TAF3: variants seen among roughly 807,000 people sequenced by gnomAD.
TAF3 encodes the protein TATA-box binding protein associated factor 3.
TAF3 carries 7 observed loss-of-function variants against 80.6 expected under a neutral mutation model. That is an observed-to-expected ratio of 0.09 (90% CI 0.05 to 0.16). The LOEUF (loss-of-function observed/expected upper bound fraction) is 0.16, where lower values mean the gene tolerates loss of function less well. TAF3 is among the 10% of genes least tolerant of loss of function. The probability of loss-of-function intolerance (pLI) is 1.00; values close to 1 mark genes in which losing one functional copy is unlikely to be tolerated. For synonymous variants in TAF3, 444 were observed against 446.1 expected, an observed-to-expected ratio of 1.00 and a Z score of 0.06; for missense variants, 921 against 1,140.2, an observed-to-expected ratio of 0.81 and a Z score of 2.77.
rs546506197 is a variant in TAF3, at chr10:7,946,515, G to T, written c.410-17405G>T. 2.6e-5 allele frequency among the ~76,000 whole-genome samples: 4 copies of T among 152,330 alleles called. No homozygotes were observed. In the South Asian group the frequency reaches 8.3e-4, roughly 32 times the overall value. On this transcript the variant is annotated intron_variant, in intron 2 of 6. Transcript: ENST00000344293. ...GAGGCAGGCAGATTATTTGAGCTCAGAAGTTTGAGACCAGCCTGGGCGACG... is the reference window on the plus strand; with the variant it reads ...GAGGCAGGCAGATTATTTGAGCTCATAAGTTTGAGACCAGCCTGGGCGACG...
intron 4 of TAF3, among the ~76,000 whole-genome samples, chr10:7,997,371 T>A (rs1831899773): frequency 6.6e-6 from 1 of 152,262 alleles, no homozygotes; most frequent in African/African-American, 2.4e-5. Context: ...ACACAATAGC[T>A]GAATAATGAG....
chr10:8,008,995 AT>A, intron 4 of TAF3, 82 bp from the exon 5 acceptor site: 2 of 1,498,850 alleles, frequency 1.3e-6, no homozygotes, highest in Non-Finnish European at 1.8e-6. Context: ...AAGAAAAGCT[AT>A]TTTACGATCA....
At chr10:7,917,131 T>G (rs1423734254) in intron 2 of TAF3, among the ~76,000 whole-genome samples, 15 of 152,234 alleles carry the variant, frequency 9.9e-5, no homozygotes, top group Admixed American at 8.5e-4. Flanking sequence ...AGGTTGCTTA[T>G]GTAGTGCCAC....
At chr10:7,878,372 A>G (rs1336194313) in intron 2 of TAF3, among the ~76,000 whole-genome samples, 1 of 152,156 alleles carries the variant, frequency 6.6e-6, no homozygotes, top group Non-Finnish European at 1.5e-5. Context: ...GAATTGAGTG[A>G]AAGAATCCAG....
chr10:7,838,545 CTAATTTTTG>C (rs1266579237), intron 2 of TAF3, among the ~76,000 whole-genome samples: 2 of 152,080 alleles, frequency 1.3e-5, no homozygotes, highest in Non-Finnish European at 2.9e-5. Context: ...CCACGCCTGG[CTAATTTTTG>C]TAATTTTTGT....
At chr10:7,903,048 C>A (rs1837574194) in intron 2 of TAF3, among the ~76,000 whole-genome samples, 1 of 151,990 alleles carries the variant, frequency 6.6e-6, no homozygotes, top group Non-Finnish European at 1.5e-5. Context: ...TAGTAGGACC[C>A]CATCTCTTAA....
At chr10:7,915,367 G>A (rs811195) in intron 2 of TAF3, among the ~76,000 whole-genome samples, 17 of 151,474 alleles carry the variant, frequency 1.1e-4, no homozygotes, top group African/African-American at 4.1e-4. Flanking sequence ...ATCATGGGCC[G>A]GGCGCAGTGG....
chr10:7,955,463 T>C (rs1564370730), intron 2 of TAF3, among the ~76,000 whole-genome samples: 1 of 152,230 alleles, frequency 6.6e-6, no homozygotes, highest in African/African-American at 2.4e-5. Flanking sequence ...ATTTTGTTGT[T>C]CCTTTGCTTA....
chr10:7,929,537 A>G, intron 2 of TAF3, among the ~76,000 whole-genome samples: 1 of 152,134 alleles, frequency 6.6e-6, no homozygotes, highest in Non-Finnish European at 1.5e-5. Flanking sequence ...AGCTGAGACT[A>G]CAGGCGTGTG....
Position 8,001,133 on chromosome 10 carries a change from C to T in TAF3, c.2316-7945C>T, listed in dbSNP as rs1444763244. Among the ~76,000 whole-genome samples, 4 of 151,910 alleles carry T rather than the reference C, an allele frequency of 2.6e-5. No individual in the cohort carries two copies. The East Asian group carries it at 7.7e-4, about 29-fold the overall frequency. ...CAGTGCTACAAATCATATTCTTTACCCCAGACCTTTACACAGCTGTCTAAT... is the reference window on the plus strand; with the variant it reads ...CAGTGCTACAAATCATATTCTTTACTCCAGACCTTTACACAGCTGTCTAAT... On this transcript the variant is annotated intron_variant, in intron 4 of 6. Coordinates refer to ENST00000344293, the MANE Select transcript of TAF3 (RefSeq NM_031923.4).
intron 4 of TAF3, among the ~76,000 whole-genome samples, chr10:8,006,492 A>G (rs945898906): frequency 1.3e-5 from 2 of 152,224 alleles, no homozygotes; most frequent in African/African-American, 2.4e-5. Flanking sequence ...TGCTCAATAA[A>G]TATTCATCGG....
At chr10:7,983,872 T>A (rs936155084) in intron 4 of TAF3, among the ~76,000 whole-genome samples, 5 of 146,200 alleles carry the variant, frequency 3.4e-5, no homozygotes, top group Admixed American at 6.7e-5. Flanking sequence ...ATAAATAAAT[T>A]TTTAAAAAGC....
chr10:7,896,341 A>G (rs570381844), intron 2 of TAF3, among the ~76,000 whole-genome samples: 20 of 152,170 alleles, frequency 1.3e-4, no homozygotes, highest in Non-Finnish European at 2.8e-4. Context: ...GGATGGTTGT[A>G]AGTTCTAATG....
At chr10:7,997,515 A>G (rs1389028098) in intron 4 of TAF3, among the ~76,000 whole-genome samples, 2 of 152,244 alleles carry the variant, frequency 1.3e-5, no homozygotes, top group African/African-American at 2.4e-5. Context: ...CAGGCCAAGC[A>G]GCTCATGACC....
chr10:7,821,077 G>T (rs967699284), intron 1 of TAF3, among the ~76,000 whole-genome samples: 3 of 152,176 alleles, frequency 2.0e-5, no homozygotes, highest in Admixed American at 6.5e-5. Context: ...GCCACTCTAT[G>T]TGACTAGGTA....
rs760659070 is a variant in TAF3 at position 8,009,351 on chromosome 10, C to CG, written c.2568+23dup. The CG allele has an allele frequency of 6.3e-7, 1 of 1,583,944 alleles. No homozygotes were observed. Among genetic ancestry groups the CG allele is most frequent in the Non-Finnish European group, 8.6e-7 (1 of 1,164,830 alleles). On this transcript the variant is annotated intron_variant, in intron 5 of 6. Transcript: ENST00000344293. This position sits in a 1 kb window ranked among gnomAD's most constrained non-coding sequence, Gnocchi z 4.1. ...ACGTGGTGCGTACCTGCCGCCCGCG[C>CG]GGTTAGCATGGAGACGTTTTCAGAT...
intron 4 of TAF3, among the ~76,000 whole-genome samples, chr10:7,986,805 G>GA (rs1401268364): frequency 6.6e-6 from 1 of 151,874 alleles, no homozygotes; most frequent in Non-Finnish European, 1.5e-5. Flanking sequence ...AGAAACAGGG[G>GA]AAAAAAGGAT....
At chr10:7,828,461 A>T (rs1836765430) in intron 2 of TAF3, among the ~76,000 whole-genome samples, 1 of 152,138 alleles carries the variant, frequency 6.6e-6, no homozygotes, top group African/African-American at 2.4e-5. Flanking sequence ...AAAATATTTT[A>T]TACATGCATA....
chr10:7,941,649 GA>G (rs759997675), intron 2 of TAF3, among the ~76,000 whole-genome samples: 3 of 152,244 alleles, frequency 2.0e-5, no homozygotes, highest in Admixed American at 6.5e-5. Flanking sequence ...TCGAGGCTGT[GA>G]AATCCTTTCC....
Sources: allele counts gnomAD v4.1 joint callset (sites outside exome capture counted in the v4.1 genomes callset), GRCh38; gene constraint gnomAD v4.1.1; non-coding constraint Gnocchi (gnomAD v3.1); transcripts MANE v1.5; gene names NCBI Gene and HGNC (gene_info 2026-07-23, HGNC 2026-07-21).